Variants in FAM120B observed in about 807,000 individuals in gnomAD.
FAM120B encodes the protein constitutive coactivator of peroxisome proliferator-activated receptor gamma.
Under a neutral mutation model 96.3 loss-of-function variants are expected in FAM120B, and 83 were observed. The observed-to-expected ratio is 0.86, with a 90% confidence interval of 0.72 to 1.03. The LOEUF is 1.03. Among genes scored for constraint, FAM120B ranks in the 50% least tolerant of loss-of-function variants. The pLI is 0.00. For synonymous variants in FAM120B, 407 were observed against 402.7 expected (o/e 1.01, Z -0.13); for missense variants, 1,027 against 1,121.2 (o/e 0.92, Z 1.20).
At chr6:170,294,563 C>T (rs1783956212), upstream of FAM120B, among the ~76,000 whole-genome samples, 1 of 152,152 alleles carries the variant, frequency 6.6e-6, no homozygotes, top group Non-Finnish European at 1.5e-5. The surrounding 1 kb of genome is among the most constrained non-coding windows in gnomAD (Gnocchi z 7.9). Context: ...GGAATAAAAG[C>T]TTATGGCCAT....
At chr6:170,338,536 G>A (rs1786593182) in intron 4 of FAM120B, among the ~76,000 whole-genome samples, 1 of 152,200 alleles carries the variant, frequency 6.6e-6, no homozygotes, top group African/African-American at 2.4e-5. Context: ...TTCTGTAGAT[G>A]TCTCTTAGGT....
At chr6:170,297,629 T>A (rs909098052) in intron 1 of FAM120B, among the ~76,000 whole-genome samples, 2 of 143,742 alleles carry the variant, frequency 1.4e-5, no homozygotes, top group Non-Finnish European at 3.1e-5. Flanking sequence ...CCGGCTGCAC[T>A]GGGCGTGGGT....
Position 170,405,426 on chromosome 6 carries a change from T to C in FAM120B, c.*675T>C, listed in dbSNP as rs1423642228. Reference sequence around the variant, plus strand: ...CTAAGTGACTAATGGTCAGAGAAGCTGGATGAGGGGCTGATTCATGTCCTG... The same window carrying C: ...CTAAGTGACTAATGGTCAGAGAAGCCGGATGAGGGGCTGATTCATGTCCTG... On this transcript the variant is annotated 3_prime_UTR_variant, in exon 11 of 11. Transcript: ENST00000476287. 6.6e-6 allele frequency: 1 copy of C among 152,210 alleles called. No homozygotes were observed. Among genetic ancestry groups the C allele is most frequent in the African/African-American group, 2.4e-5 (1 of 41,448 alleles). 9.4% of individuals were successfully genotyped at this position (152,210 alleles called of 1,614,324 possible).
intron 8 of FAM120B, among the ~76,000 whole-genome samples, chr6:170,393,143 C>G (rs1193044394): frequency 1.8e-5 from 1 of 56,212 alleles, no homozygotes; most frequent in South Asian, 5.4e-4. Flanking sequence ...GAGACCCTGT[C>G]TTTACAAAAA....
Position 170,317,657 on chromosome 6 carries a change from T to G in FAM120B, c.267T>G (p.Phe89Leu), listed in dbSNP as rs751662115. Reference sequence around the variant, plus strand: ...CTGGGATCAAGTTGATATTCTTCTTTGATGGCATGGTGGAGCAGGATAAGA... The same window carrying G: ...CTGGGATCAAGTTGATATTCTTCTTGGATGGCATGGTGGAGCAGGATAAGA... ...TAAGIKLIFF[F>L]DGMVEQDKRD... Residue 89 changes from phenylalanine to leucine, a missense_variant, in exon 2 of 11, where the codon TTT (phenylalanine) becomes TTG (leucine). Physicochemically the swap from Phe to Leu is conservative, Grantham distance 22 (BLOSUM62 0). Around this residue, in one of 3 missense-constraint regions of FAM120B, gnomAD observed 880 missense variants for 980.9 expected, o/e 0.90. Coordinates refer to ENST00000476287, the MANE Select transcript of FAM120B (RefSeq NM_032448.3). 1 of 1,614,194 alleles carries G rather than the reference T, an allele frequency of 6.2e-7. No homozygotes were observed. The highest frequency in any genetic ancestry group is 1.1e-5 in the South Asian group (1 of 91,086).
At chr6:170,401,619 A>G (rs1350793033) in intron 9 of FAM120B, among the ~76,000 whole-genome samples, 2 of 152,170 alleles carry the variant, frequency 1.3e-5, no homozygotes, top group East Asian at 1.9e-4. Flanking sequence ...TTCTGCCTGT[A>G]ATAGTATAAG....
At chr6:170,332,253 A>C (rs1786102182) in intron 4 of FAM120B, among the ~76,000 whole-genome samples, 1 of 152,256 alleles carries the variant, frequency 6.6e-6, no homozygotes, top group Non-Finnish European at 1.5e-5. Flanking sequence ...AATATCATCA[A>C]TAATGATGAT....
upstream of FAM120B, among the ~76,000 whole-genome samples, chr6:170,301,859 T>A (rs193180842): frequency 6.6e-6 from 1 of 152,190 alleles, no homozygotes; most frequent in Non-Finnish European, 1.5e-5. Context: ...ATTCAACAAG[T>A]CTCTAAGAAG....
chr6:170,348,127 T>A, intron 4 of FAM120B, 24 bp from the exon 5 acceptor site: 1 of 1,603,488 alleles, frequency 6.2e-7, no homozygotes, highest in Non-Finnish European at 8.5e-7. Context: ...GAACAATAGT[T>A]AATGGACTTT....
chr6:170,376,819 G>C (rs34719288), intron 6 of FAM120B, among the ~76,000 whole-genome samples: 16,560 of 148,722 alleles, frequency 0.11, 1,319 homozygotes, highest in African/African-American at 0.19. Context: ...ATAGAAGTCT[G>C]AGTGCTTGGC....
chr6:170,401,011 C>A (rs546564491), intron 9 of FAM120B, among the ~76,000 whole-genome samples: 2 of 152,236 alleles, frequency 1.3e-5, no homozygotes, highest in African/African-American at 2.4e-5. Context: ...TGACAGGAAG[C>A]AGCTTTCTTC....
chr6:170,396,055 C>T (rs1778141425), intron 9 of FAM120B, among the ~76,000 whole-genome samples: 1 of 152,198 alleles, frequency 6.6e-6, no homozygotes, highest in Non-Finnish European at 1.5e-5. Flanking sequence ...ATGCATGTAT[C>T]GTGCTGAATT....
intron 6 of FAM120B, among the ~76,000 whole-genome samples, chr6:170,373,628 C>T (rs893655669): frequency 4.6e-5 from 7 of 152,132 alleles, no homozygotes; most frequent in African/African-American, 1.2e-4. Flanking sequence ...CCAAGGTTAC[C>T]GCACAGTGTT....
chr6:170,361,724 A>G (rs144692247), intron 6 of FAM120B, among the ~76,000 whole-genome samples: 1 of 152,340 alleles, frequency 6.6e-6, no homozygotes, highest in African/African-American at 2.4e-5. Flanking sequence ...TCCTTCATAC[A>G]TAGTGTGTAC....
intron 3 of FAM120B, among the ~76,000 whole-genome samples, chr6:170,326,168 A>G (rs367980867): frequency 6.6e-5 from 10 of 152,350 alleles, no homozygotes; most frequent in African/African-American, 2.4e-4. Flanking sequence ...GACATCTTAT[A>G]TAACTGTGGT....
At chr6:170,352,179 TAAA>T in intron 5 of FAM120B, among the ~76,000 whole-genome samples, 1 of 152,182 alleles carries the variant, frequency 6.6e-6, no homozygotes, top group East Asian at 1.9e-4. Context: ...AACAAAGATT[TAAA>T]AAAGACAAGA....
intron 6 of FAM120B, among the ~76,000 whole-genome samples, chr6:170,383,207 GA>G (rs1790014873): frequency 6.6e-6 from 1 of 151,996 alleles, no homozygotes; most frequent in Non-Finnish European, 1.5e-5. Flanking sequence ...ACACTTTTGG[GA>G]AAAAAATAGA....
upstream of FAM120B, chr6:170,291,054 C>T (rs762467435): frequency 2.8e-6 from 2 of 702,042 alleles, no homozygotes; most frequent in African/African-American, 1.7e-5. Flanking sequence ...AAACCCTCCT[C>T]TCAATGGATC....
intron 6 of FAM120B, among the ~76,000 whole-genome samples, 173 bp downstream of exon 6, chr6:170,358,491 G>A (rs1480265661): frequency 1.3e-5 from 2 of 152,236 alleles, no homozygotes; most frequent in African/African-American, 4.8e-5. Context: ...GGGATGAGCA[G>A]CCAGATGAGG....
Sources: gnomAD v4.1 joint callset for allele counts (sites outside exome capture counted in the v4.1 genomes callset) on GRCh38, gnomAD v4.1.1 for gene constraint, gnomAD v4.1.1 regional missense constraint, Gnocchi (gnomAD v3.1) non-coding constraint, MANE v1.5 for transcripts, NCBI Gene and HGNC (gene_info 2026-07-23, HGNC 2026-07-21) for gene names.